The following NME5 variants were observed in gnomAD, a reference collection of about 807,000 sequenced individuals.
NME5 encodes the protein nucleoside diphosphate kinase 5.
NME5 carries 18 observed loss-of-function variants against 21.6 expected under a neutral mutation model. The observed-to-expected ratio is 0.83, with a 90% CI of 0.58 to 1.24. The LOEUF is 1.24. Among genes scored for constraint, NME5 ranks in the 50% most tolerant of loss-of-function variants. NME5 has a pLI of 0.00. For missense variants in NME5, 223 were observed against 255.4 expected, an observed-to-expected ratio of 0.87 and a Z score of 0.86; for synonymous variants, 70 against 80.6, an observed-to-expected ratio of 0.87 and a Z score of 0.71.
intron 4 of NME5, among the ~76,000 whole-genome samples, chr5:138,127,943 G>C (rs1458412838): frequency 2.5e-4 from 38 of 152,188 alleles, no homozygotes; most frequent in Admixed American, 2.4e-3. Context: ...GCTGGGTGTG[G>C]TGGCTCACAC....
At position 138,115,225 on chromosome 5, in the gene NME5, G is replaced by A. The variant is rs576743328; in HGVS notation, c.*456C>T. 6.6e-6 allele frequency: 1 copy of A among 152,652 alleles called. No individual in the cohort carries two copies. Among genetic ancestry groups the A allele is most frequent in the African/African-American group, 2.4e-5 (1 of 41,580 alleles). 9.5% of individuals were successfully genotyped at this position (152,652 alleles called of 1,614,324 possible). On this transcript the variant is annotated 3_prime_UTR_variant, in exon 6 of 6. Transcript: ENST00000265191. ...TACATCAAACAGGTAATGTGATGAT[G>A]CTGTAACAAGGTTTGAGGGAAGCAT...
In NME5 at chr5:138,131,204, T is replaced by TAAAAAAAAA. The variant is rs762579967; in HGVS notation, c.130-1745_130-1737dup. Among the ~76,000 whole-genome samples, 54 of 80,872 alleles carry TAAAAAAAAA rather than the reference T, an allele frequency of 6.7e-4. 2 individuals carry two copies. Among genetic ancestry groups the TAAAAAAAAA allele is most frequent in the African/African-American group, 3.1e-3 (51 of 16,220 alleles). The allele number at this position is 80,872 out of a possible 152,430, so 53.1% of individuals were successfully genotyped here. A position where few individuals can be genotyped will look rare whatever the true frequency, so the allele number is the denominator to read the frequency against. On this transcript the variant is annotated intron_variant, in intron 2 of 5. Coordinates refer to ENST00000265191, the MANE Select transcript of NME5 (RefSeq NM_003551.3). ...CAACATGATGAAACCCCGTCTCTGC[T>TAAAAAAAAA]AAAAAAAAAAAAAAAAAAAAAAAAA... is the stretch of plus-strand genomic sequence containing the variant.
chr5:138,120,298 A>AC (rs1751258586), intron 4 of NME5, among the ~76,000 whole-genome samples: 9 of 136,650 alleles, frequency 6.6e-5, no homozygotes, highest in Non-Finnish European at 1.2e-4. Context: ...CAGTGCCGCG[A>AC]TCTTGGCTCA....
At chr5:138,127,689 G>A in intron 4 of NME5, 1 of 984,816 alleles carries the variant, frequency 1.0e-6, no homozygotes, top group Non-Finnish European at 1.2e-6. Flanking sequence ...CTTCTCAAAG[G>A]TTTACAACTT....
Position 138,119,742 on chromosome 5 carries a change from C to T in NME5, c.437-806G>A, listed in dbSNP as rs1472102359. ...GCACAATCTCAGTTCACTGCAACCC[C>T]GTCTCCCAGGTTGAAGCAATTCTCC... is the stretch of plus-strand genomic sequence containing the variant. On this transcript the variant is annotated intron_variant, in intron 4 of 5. Transcript: ENST00000265191. 5.9e-5 allele frequency among the ~76,000 whole-genome samples: 9 copies of T among 151,746 alleles called. No homozygotes were observed. In the East Asian group the frequency reaches 1.7e-3, roughly 29 times the overall value.
chr5:138,128,429 A>C (rs1315633055), intron 4 of NME5, 50 bp downstream of exon 4: 11 of 1,341,806 alleles, frequency 8.2e-6, no homozygotes, highest in Non-Finnish European at 1.2e-5. Context: ...ATAAAAGAAA[A>C]AGCAAACAAT....
chr5:138,134,999 G>A (rs1314015281), intron 2 of NME5, among the ~76,000 whole-genome samples: 1 of 148,866 alleles, frequency 6.7e-6, no homozygotes, highest in Non-Finnish European at 1.5e-5. Flanking sequence ...CACCGCGCCC[G>A]GCCGTCACTA....
At chr5:138,120,228 C>CT (rs1561586430) in intron 4 of NME5, among the ~76,000 whole-genome samples, 39 of 40,418 alleles carry the variant, frequency 9.6e-4, no homozygotes, top group South Asian at 1.3e-3. Flanking sequence ...CTGCTCCCAG[C>CT]TCTTTTTTTT....
At chr5:138,126,525 AAAAAAAAAAAAGAAAG>A (rs895910002) in intron 4 of NME5, among the ~76,000 whole-genome samples, 1 of 150,560 alleles carries the variant, frequency 6.6e-6, no homozygotes, top group African/African-American at 2.4e-5. Flanking sequence ...AAAAAAAAAA[AAAAAAAAAAAAGAAAG>A]AAAGCGAAAA....
chr5:138,123,985 CTTTTTTTTTTTTTTT>C (rs70979583), intron 4 of NME5, among the ~76,000 whole-genome samples: 1 of 37,212 alleles, frequency 2.7e-5, no homozygotes, highest in Non-Finnish European at 4.3e-5. Context: ...ATTTTGAGCA[CTTTTTTTTTTTTTTT>C]TTTTTTTTTT....
chr5:138,120,338 A>T (rs187249145), intron 4 of NME5, among the ~76,000 whole-genome samples: 188 of 142,964 alleles, frequency 1.3e-3, no homozygotes, highest in Non-Finnish European at 2.1e-3. Flanking sequence ...GGTTCACGCC[A>T]TTCTCCTGCC....
chr5:138,134,367 C>G (rs991542145), intron 2 of NME5, among the ~76,000 whole-genome samples: 1 of 152,178 alleles, frequency 6.6e-6, no homozygotes, highest in African/African-American at 2.4e-5. Flanking sequence ...CCTCAGCCTC[C>G]TGAGTAGCTG....
chr5:138,125,633 TTCA>T (rs1175039576), intron 4 of NME5, among the ~76,000 whole-genome samples: 1 of 152,092 alleles, frequency 6.6e-6, no homozygotes, highest in Non-Finnish European at 1.5e-5. Context: ...TTTCTTTTCT[TTCA>T]GACAGTCTCA....
At chr5:138,123,808 T>C (rs746299359) in intron 4 of NME5, among the ~76,000 whole-genome samples, 19 of 152,252 alleles carry the variant, frequency 1.2e-4, no homozygotes, top group Admixed American at 7.9e-4. Flanking sequence ...CCATACTGTC[T>C]TCCATAGTGG....
chr5:138,120,471 C>G (rs1185394107), intron 4 of NME5, among the ~76,000 whole-genome samples: 1 of 152,024 alleles, frequency 6.6e-6, no homozygotes, highest in East Asian at 1.9e-4. Flanking sequence ...ATATCCTGAC[C>G]TTGTGAGCCG....
intron 4 of NME5, among the ~76,000 whole-genome samples, chr5:138,120,227 G>GTTTTT (rs1561586403): frequency 8.5e-6 from 1 of 118,044 alleles, no homozygotes; most frequent in Non-Finnish European, 1.7e-5. Context: ...ACTGCTCCCA[G>GTTTTT]CTCTTTTTTT....
chr5:138,133,227 A>G (rs1280774902), intron 2 of NME5, among the ~76,000 whole-genome samples: 1 of 151,432 alleles, frequency 6.6e-6, no homozygotes, highest in Non-Finnish European at 1.5e-5. Context: ...CAGCCTCCGG[A>G]GTAGCTGAGA....
intron 4 of NME5, among the ~76,000 whole-genome samples, chr5:138,126,151 C>A (rs1751419405): frequency 6.6e-6 from 1 of 152,158 alleles, no homozygotes; most frequent in African/African-American, 2.4e-5. Context: ...AAATGTCTAA[C>A]TATATCTCTA....
rs900724095 is a variant in NME5 at position 138,129,174 on chromosome 5, A to G, written c.335+89T>C. 4.3e-6 allele frequency: 5 copies of G among 1,162,900 alleles called. No homozygotes were observed. The African/African-American group carries it at 7.8e-5, about 18-fold the overall frequency. 72.0% of individuals were successfully genotyped at this position (1,162,900 alleles called of 1,614,324 possible). On this transcript the variant is annotated intron_variant, in intron 3 of 5. Coordinates refer to ENST00000265191, the MANE Select transcript of NME5 (RefSeq NM_003551.3). Reference sequence around the variant, plus strand: ...TTTGGAAAACTTCCAAATAAAAAAAAAATTCCCATTACAATGAAATCAGAT... The same window carrying G: ...TTTGGAAAACTTCCAAATAAAAAAAGAATTCCCATTACAATGAAATCAGAT...
Sources: allele counts gnomAD v4.1 joint callset (sites outside exome capture counted in the v4.1 genomes callset), GRCh38; gene constraint gnomAD v4.1.1; transcripts MANE v1.5; gene names NCBI Gene and HGNC (gene_info 2026-07-23, HGNC 2026-07-21).